Variants in SEMA6D observed in about 807,000 individuals in gnomAD.
SEMA6D encodes semaphorin 6D, also known as semaphorin-6D.
Under a neutral mutation model 106.6 loss-of-function variants are expected in SEMA6D, and 35 were observed. That is an observed-to-expected ratio of 0.33 (90% confidence interval 0.25 to 0.44). The LOEUF (loss-of-function observed/expected upper bound fraction) is 0.44, where lower values mean the gene tolerates loss of function less well. Among genes scored for constraint, SEMA6D ranks in the 20% least tolerant of loss-of-function variants. The probability of loss-of-function intolerance (pLI) is 1.00; values close to 1 mark genes in which losing one functional copy is unlikely to be tolerated. For synonymous variants in SEMA6D, 499 were observed against 487.7 expected, an observed-to-expected ratio of 1.02 and a Z score of -0.31; for missense variants, 1,185 against 1,345.9, an observed-to-expected ratio of 0.88 and a Z score of 1.87.
intron 3 of SEMA6D, among the ~76,000 whole-genome samples, chr15:47,593,044 G>C (rs1000780163): frequency 2.6e-5 from 4 of 152,148 alleles, no homozygotes; most frequent in Non-Finnish European, 5.9e-5. Flanking sequence ...TCTCTGTGAA[G>C]TGTCCTTGAC....
chr15:47,387,026 G>T (rs1209154557), intron 1 of SEMA6D, among the ~76,000 whole-genome samples: 1 of 107,384 alleles, frequency 9.3e-6, no homozygotes. Context: ...CACTGCACGG[G>T]CCCTGCTGCG....
At chr15:47,425,504 C>T (rs1450014075) in intron 2 of SEMA6D, among the ~76,000 whole-genome samples, 1 of 152,034 alleles carries the variant, frequency 6.6e-6, no homozygotes, top group African/African-American at 2.4e-5. Flanking sequence ...GCCTACAAGG[C>T]TAATGGGCTA....
At chr15:47,564,356 A>G (rs565759471) in intron 3 of SEMA6D, among the ~76,000 whole-genome samples, 2 of 152,312 alleles carry the variant, frequency 1.3e-5, no homozygotes, top group Non-Finnish European at 2.9e-5. Context: ...GCAATTACTT[A>G]AACTCTAAGC....
chr15:47,693,729 G>T (rs1426335086), intron 4 of SEMA6D, among the ~76,000 whole-genome samples: 1 of 152,202 alleles, frequency 6.6e-6, no homozygotes, highest in Non-Finnish European at 1.5e-5. Flanking sequence ...GAGGTCAGGA[G>T]TTAGAGACCA....
chr15:47,217,905 A>ACACACG (rs879678442), intron 1 of SEMA6D, among the ~76,000 whole-genome samples: 15 of 149,942 alleles, frequency 1.0e-4, no homozygotes, highest in Admixed American at 1.0e-3. Flanking sequence ...ACACACACAC[A>ACACACG]CTTTTATAAA....
At chr15:47,491,208 C>G (rs189296425) in intron 3 of SEMA6D, among the ~76,000 whole-genome samples, 1 of 152,208 alleles carries the variant, frequency 6.6e-6, no homozygotes, top group African/African-American at 2.4e-5. Flanking sequence ...CTGCTCTTTG[C>G]CCACCCACCT....
At chr15:47,255,840 A>C (rs185458219) in intron 1 of SEMA6D, among the ~76,000 whole-genome samples, 3 of 152,320 alleles carry the variant, frequency 2.0e-5, no homozygotes, top group African/African-American at 7.2e-5. Flanking sequence ...ACATGTCTGT[A>C]ATCTATTTCA....
intron 1 of SEMA6D, among the ~76,000 whole-genome samples, chr15:47,310,510 G>T (rs1340658008): frequency 1.3e-5 from 2 of 152,100 alleles, no homozygotes; most frequent in Non-Finnish European, 2.9e-5. Context: ...TACTTTGGAG[G>T]AGTTTATAAA....
Position 47,763,867 on chromosome 15 carries a change from G to T in SEMA6D, c.765G>T (p.Val255=). 1 of 1,613,156 alleles carries T rather than the reference G, an allele frequency of 6.2e-7. No homozygotes were observed. The highest frequency in any genetic ancestry group is 1.1e-5 in the South Asian group (1 of 91,032). Residue 255 remains valine (V), a synonymous_variant, in exon 10 of 19, where the codon GTG becomes GTT. Transcript: ENST00000536845. ...TTGGGCAGGCTGTGTATTCCCGCGT[G>T]GCCCGCATATGTAAAAACGACATGG... ...NNLGKAVYSR[V]ARICKNDMGG...
chr15:47,549,132 A>G (rs2045610351), intron 3 of SEMA6D, among the ~76,000 whole-genome samples: 1 of 152,118 alleles, frequency 6.6e-6, no homozygotes, highest in African/African-American at 2.4e-5. Flanking sequence ...GTCCCGATGG[A>G]GCCAACCAAG....
chr15:47,322,926 T>C (rs1048909494), intron 1 of SEMA6D, among the ~76,000 whole-genome samples: 8 of 152,340 alleles, frequency 5.3e-5, no homozygotes, highest in African/African-American at 1.9e-4. Context: ...TTGCAAAATT[T>C]GTTACCGCAT....
intron 3 of SEMA6D, among the ~76,000 whole-genome samples, chr15:47,483,300 T>C (rs2043205627): frequency 6.6e-6 from 1 of 152,182 alleles, no homozygotes. Flanking sequence ...AGGTATGTGC[T>C]ACGGTTTTTT....
intron 1 of SEMA6D, among the ~76,000 whole-genome samples, chr15:47,280,194 A>G (rs1294284372): frequency 6.6e-5 from 10 of 152,050 alleles, no homozygotes; most frequent in African/African-American, 2.4e-4. Flanking sequence ...GATTATTGCC[A>G]CAATTTCAGA....
At chr15:47,439,632 G>A (rs1476218192) in intron 2 of SEMA6D, among the ~76,000 whole-genome samples, 1 of 152,084 alleles carries the variant, frequency 6.6e-6, no homozygotes, top group Non-Finnish European at 1.5e-5. Context: ...CTTTGCAAAG[G>A]CAGAGCTGAA....
At chr15:47,589,827 T>C (rs188978380) in intron 3 of SEMA6D, among the ~76,000 whole-genome samples, 2 of 152,186 alleles carry the variant, frequency 1.3e-5, no homozygotes, top group African/African-American at 4.8e-5. Context: ...GTAGGTTGAG[T>C]AGATTTGAGT....
chr15:47,292,670 A>T (rs535322804), intron 1 of SEMA6D, among the ~76,000 whole-genome samples: 1 of 152,176 alleles, frequency 6.6e-6, no homozygotes, highest in Non-Finnish European at 1.5e-5. Context: ...AATAAACGTG[A>T]TAAGGGCAAA....
chr15:47,364,530 G>C (rs145997000), intron 1 of SEMA6D, among the ~76,000 whole-genome samples: 4 of 152,154 alleles, frequency 2.6e-5, no homozygotes, highest in African/African-American at 9.7e-5. Flanking sequence ...ATAGCTGTGC[G>C]CTGCACATGT....
intron 1 of SEMA6D, among the ~76,000 whole-genome samples, chr15:47,371,045 G>A (rs1480165779): frequency 6.6e-6 from 1 of 152,140 alleles, no homozygotes; most frequent in Non-Finnish European, 1.5e-5. Context: ...TTTTTAATGA[G>A]TCCAGTGCCA....
chr15:47,716,849 C>G (rs1013586431), upstream of SEMA6D: 10 of 132,602 alleles, frequency 7.5e-5, no homozygotes, highest in Non-Finnish European at 1.2e-4. Flanking sequence ...TAGGCAATTT[C>G]TGTATTTTAT....
Sources: gnomAD v4.1 joint callset for allele counts (sites outside exome capture counted in the v4.1 genomes callset) on GRCh38, gnomAD v4.1.1 for gene constraint, MANE v1.5 for transcripts, NCBI Gene and HGNC (gene_info 2026-07-23, HGNC 2026-07-21) for gene names.